Variants in ATP8A1 observed in about 807,000 individuals in gnomAD.
ATP8A1 encodes the protein ATPase phospholipid transporting 8A1, also known as phospholipid-transporting ATPase IA.
A neutral mutation model predicts 177.7 loss-of-function variants in ATP8A1; 90 were observed. The ratio of observed to expected loss-of-function variants is 0.51; its 90% confidence interval spans 0.43 to 0.60. The LOEUF is 0.60. Among genes scored for constraint, ATP8A1 ranks in the 20% least tolerant of loss-of-function variants. ATP8A1 has a pLI of 0.00. For synonymous variants in ATP8A1, 493 were observed against 485.9 expected, an observed-to-expected ratio of 1.01 and a Z score of -0.19; for missense variants, 1,072 against 1,392.8, an observed-to-expected ratio of 0.77 and a Z score of 3.67.
chr4:42,509,488 T>C (rs191144379), intron 22 of ATP8A1, among the ~76,000 whole-genome samples: 1 of 152,322 alleles, frequency 6.6e-6, no homozygotes, highest in East Asian at 1.9e-4. Flanking sequence ...AGTATGTATG[T>C]CTAAGTAGAT....
intron 22 of ATP8A1, among the ~76,000 whole-genome samples, chr4:42,517,304 A>C (rs904559568): frequency 2.4e-4 from 36 of 152,234 alleles, no homozygotes; most frequent in African/African-American, 6.5e-4. Context: ...AAAAAAAAAA[A>C]AAAAACAAAT....
chr4:42,488,663 A>C (rs9291218), intron 24 of ATP8A1, among the ~76,000 whole-genome samples: 122,834 of 152,128 alleles, frequency 0.81, 53,346 homozygotes, highest in East Asian at 0.97. Context: ...GGCTTCCTAC[A>C]TTCTGAGCCT....
At chr4:42,444,665 C>T (rs748255237) in intron 31 of ATP8A1, 31 bp from the exon 32 acceptor site, 79 of 1,599,108 alleles carry the variant, frequency 4.9e-5, no homozygotes, top group East Asian at 4.9e-4. Context: ...GTTATTTTAC[C>T]TCATAAACAT....
intron 1 of ATP8A1, among the ~76,000 whole-genome samples, chr4:42,647,404 G>A (rs1416477472): frequency 6.6e-6 from 1 of 152,092 alleles, no homozygotes; most frequent in Non-Finnish European, 1.5e-5. Context: ...AGTACAAATT[G>A]AGATGCACTA....
At position 42,656,811 on chromosome 4, in the gene ATP8A1, C is replaced by T. The variant is rs1741683359; in HGVS notation, c.49+14G>A. The T allele has an allele frequency of 2.6e-6, 4 of 1,560,604 alleles. No homozygotes were observed. Among genetic ancestry groups the T allele is most frequent in the Non-Finnish European group, 3.5e-6 (4 of 1,152,260 alleles). On this transcript the variant is annotated intron_variant, in intron 1 of 36. Coordinates refer to ENST00000381668, the MANE Select transcript of ATP8A1 (RefSeq NM_006095.2). ...CCGACCCCGGGCTAGCCCCGAGCCT[C>T]GGCGGCCCCTTACCTTCGGCGCGCG... is the stretch of plus-strand genomic sequence containing the variant.
At chr4:42,646,157 A>G (rs1740509355) in intron 1 of ATP8A1, among the ~76,000 whole-genome samples, 1 of 152,206 alleles carries the variant, frequency 6.6e-6, no homozygotes, top group South Asian at 2.1e-4. Context: ...AATGATACTC[A>G]GAAACCTTGG....
chr4:42,554,987 T>A (rs141490047), intron 16 of ATP8A1, among the ~76,000 whole-genome samples: 1,616 of 152,302 alleles, frequency 0.011, 9 homozygotes, highest in Non-Finnish European at 0.016. Flanking sequence ...GTTTTTCAGC[T>A]TTGGGACTTG....
At chr4:42,446,436 C>A (rs1009682305) in intron 31 of ATP8A1, 147 bp downstream of exon 31, 31 of 637,588 alleles carry the variant, frequency 4.9e-5, no homozygotes, top group Non-Finnish European at 7.9e-5. Flanking sequence ...CCATTATAAG[C>A]CCTGGGTCTT....
At chr4:42,507,758 C>CAAAAAA (rs1724543723) in intron 22 of ATP8A1, among the ~76,000 whole-genome samples, 3 of 8,990 alleles carry the variant, frequency 3.3e-4, no homozygotes, top group South Asian at 7.5e-3. Flanking sequence ...AAAAAAAAGT[C>CAAAAAA]AGTTAAAAAG....
At chr4:42,434,794 T>C (rs1467749810) in intron 33 of ATP8A1, among the ~76,000 whole-genome samples, 12 of 152,090 alleles carry the variant, frequency 7.9e-5, no homozygotes, top group African/African-American at 1.9e-4. Flanking sequence ...AGCTGGAAGG[T>C]TGGTAAAATG....
In ATP8A1 at chr4:42,502,364, A is replaced by G. The variant is rs771209001; in HGVS notation, c.2151+1086T>C. Among the ~76,000 whole-genome samples the G allele has an allele frequency of 2.6e-5, 4 of 152,204 alleles. No homozygotes were observed. The East Asian group carries it at 7.7e-4, about 29-fold the overall frequency. Reference sequence around the variant, plus strand: ...ACAATACACTGGTACAACACAATGAATATTTTTGATATTTCACTTCTCTTT... The same window carrying G: ...ACAATACACTGGTACAACACAATGAGTATTTTTGATATTTCACTTCTCTTT... On this transcript the variant is annotated intron_variant, in intron 24 of 36. Coordinates refer to ENST00000381668, the MANE Select transcript of ATP8A1 (RefSeq NM_006095.2).
At chr4:42,554,595 A>C (rs1729860642) in intron 16 of ATP8A1, among the ~76,000 whole-genome samples, 1 of 152,214 alleles carries the variant, frequency 6.6e-6, no homozygotes, top group Non-Finnish European at 1.5e-5. Context: ...GAGAAGATGC[A>C]TATTTGAGGG....
intron 15 of ATP8A1, chr4:42,562,258 A>T (rs1385956360): frequency 1.3e-5 from 2 of 152,450 alleles, no homozygotes; most frequent in African/African-American, 4.8e-5. Flanking sequence ...TGCCATCGGC[A>T]GCAGGCAGAG....
At chr4:42,635,390 A>G (rs563459169) in intron 1 of ATP8A1, among the ~76,000 whole-genome samples, 5 of 152,166 alleles carry the variant, frequency 3.3e-5, no homozygotes, top group South Asian at 4.1e-4. Flanking sequence ...GGAGAGTGCA[A>G]TTATATAACC....
At chr4:42,640,603 G>A (rs369120377) in intron 1 of ATP8A1, among the ~76,000 whole-genome samples, 2 of 152,294 alleles carry the variant, frequency 1.3e-5, no homozygotes, top group Non-Finnish European at 1.5e-5. Context: ...TGTTATAAAT[G>A]AAGACACACG....
At position 42,656,937 on chromosome 4, in the gene ATP8A1, C is replaced by G; in HGVS notation, c.-64G>C. On this transcript the variant is annotated 5_prime_UTR_variant, in exon 1 of 37. Coordinates refer to ENST00000381668, the MANE Select transcript of ATP8A1 (RefSeq NM_006095.2). ...TGCACCTGTCACGGCGTGGTACACGCGGGAGACCCGGCTGCGCCGCGCAGA... is the reference window on the plus strand; with the variant it reads ...TGCACCTGTCACGGCGTGGTACACGGGGGAGACCCGGCTGCGCCGCGCAGA... 7.0e-7 allele frequency: 1 copy of G among 1,425,646 alleles called. No homozygotes were observed. Among genetic ancestry groups the G allele is most frequent in the Non-Finnish European group, 9.3e-7 (1 of 1,070,728 alleles). The allele number at this position is 1,425,646 out of a possible 1,614,324, so 88.3% of individuals were successfully genotyped here.
At chr4:42,638,055 G>A (rs1175846728) in intron 1 of ATP8A1, among the ~76,000 whole-genome samples, 1 of 152,086 alleles carries the variant, frequency 6.6e-6, no homozygotes, top group Non-Finnish European at 1.5e-5. Flanking sequence ...TCTAATATGG[G>A]GAAGTAACAT....
At chr4:42,415,796 A>G (rs1468489003) in intron 35 of ATP8A1, among the ~76,000 whole-genome samples, 2 of 152,176 alleles carry the variant, frequency 1.3e-5, no homozygotes, top group Non-Finnish European at 2.9e-5. Flanking sequence ...AAGACCCTGA[A>G]ATGAAACAAT....
intron 1 of ATP8A1, among the ~76,000 whole-genome samples, chr4:42,653,390 C>T (rs1741309090): frequency 6.6e-6 from 1 of 152,158 alleles, no homozygotes; most frequent in Non-Finnish European, 1.5e-5. Flanking sequence ...CCATGCTTTT[C>T]CTCTTCTGTT....
Sources: allele counts gnomAD v4.1 joint callset (sites outside exome capture counted in the v4.1 genomes callset), GRCh38; gene constraint gnomAD v4.1.1; transcripts MANE v1.5; gene names NCBI Gene and HGNC (gene_info 2026-07-23, HGNC 2026-07-21).